Variants in RBMS1 observed in about 807,000 individuals in gnomAD.
RBMS1 encodes RNA binding motif single stranded interacting protein 1, also known as RNA-binding motif, single-stranded-interacting protein 1.
A neutral mutation model predicts 62.3 loss-of-function variants in RBMS1; 17 were observed. The ratio of observed to expected loss-of-function variants is 0.27; its 90% CI spans 0.19 to 0.41. The LOEUF is 0.41. Among genes scored for constraint, RBMS1 ranks in the 10% least tolerant of loss-of-function variants. RBMS1 has a pLI of 1.00. For synonymous variants in RBMS1, 172 were observed against 170.0 expected (o/e 1.01, Z -0.09); for missense variants, 334 against 504.5 (o/e 0.66, Z 3.24).
intron 1 of RBMS1, among the ~76,000 whole-genome samples, chr2:160,422,536 G>A (rs1696475062): frequency 6.6e-6 from 1 of 152,112 alleles, no homozygotes; most frequent in Non-Finnish European, 1.5e-5. Context: ...ACCTGGAAAT[G>A]TAAGTTTCTC....
intron 1 of RBMS1, among the ~76,000 whole-genome samples, chr2:160,424,372 G>A (rs980204505): frequency 6.6e-6 from 1 of 150,716 alleles, no homozygotes. Flanking sequence ...GATTGGGGGG[G>A]GGGGGAAACA....
chr2:160,456,132 GA>G (rs1181881734), intron 1 of RBMS1, among the ~76,000 whole-genome samples: 1 of 152,042 alleles, frequency 6.6e-6, no homozygotes, highest in Non-Finnish European at 1.5e-5. Context: ...ATAATTTCAG[GA>G]AAAAACAAAC....
intron 6 of RBMS1, among the ~76,000 whole-genome samples, chr2:160,293,608 G>A (rs988676522): frequency 1.3e-5 from 2 of 152,146 alleles, no homozygotes; most frequent in Non-Finnish European, 2.9e-5. Context: ...GGTTCAGAAA[G>A]CGAGATGGGA....
At chr2:160,353,943 C>T (rs1692656865) in intron 2 of RBMS1, among the ~76,000 whole-genome samples, 2 of 152,022 alleles carry the variant, frequency 1.3e-5, no homozygotes, top group Admixed American at 6.6e-5. Context: ...ATGATTATCC[C>T]GACTTTATAG....
chr2:160,466,298 C>T (rs1018807976), intron 1 of RBMS1, among the ~76,000 whole-genome samples: 4 of 151,780 alleles, frequency 2.6e-5, no homozygotes, highest in Non-Finnish European at 4.4e-5. Context: ...ATAAATTATA[C>T]GGTACTGATA....
chr2:160,487,140 C>T (rs1453619782), intron 1 of RBMS1, among the ~76,000 whole-genome samples: 1 of 152,158 alleles, frequency 6.6e-6, no homozygotes, highest in African/African-American at 2.4e-5. Context: ...AGAATTTATA[C>T]AGCAGAAAAA....
intron 1 of RBMS1, among the ~76,000 whole-genome samples, chr2:160,368,535 C>T (rs899642271): frequency 1.3e-5 from 2 of 152,204 alleles, no homozygotes; most frequent in Non-Finnish European, 2.9e-5. Flanking sequence ...TACCTTGTCA[C>T]CAACCTCCGT....
intron 1 of RBMS1, among the ~76,000 whole-genome samples, chr2:160,452,633 G>A (rs1458376706): frequency 6.6e-6 from 1 of 152,190 alleles, no homozygotes; most frequent in African/African-American, 2.4e-5. Flanking sequence ...TCCAAGGTGT[G>A]CACTTTTACA....
intron 1 of RBMS1, among the ~76,000 whole-genome samples, chr2:160,370,014 G>A (rs1187636439): frequency 1.3e-5 from 2 of 152,074 alleles, no homozygotes; most frequent in Admixed American, 6.5e-5. Context: ...ATTTACTGCA[G>A]TATTTTCCCA....
chr2:160,469,880 G>C (rs1437371601), intron 1 of RBMS1, among the ~76,000 whole-genome samples: 1 of 152,328 alleles, frequency 6.6e-6, no homozygotes, highest in Middle Eastern at 3.4e-3. Flanking sequence ...GAAAATCAGG[G>C]AGGGGCTAGA....
chr2:160,304,638 T>C (rs1178805814), intron 4 of RBMS1, among the ~76,000 whole-genome samples: 32 of 152,176 alleles, frequency 2.1e-4, no homozygotes, highest in Admixed American at 2.1e-3. Flanking sequence ...TGTGTGTTAG[T>C]GTCTTAGTTT....
intron 2 of RBMS1, among the ~76,000 whole-genome samples, chr2:160,318,758 A>G (rs1319056914): frequency 6.6e-6 from 1 of 152,224 alleles, no homozygotes; most frequent in Non-Finnish European, 1.5e-5. Context: ...TATGTTTAGC[A>G]CACTTAATGG....
In RBMS1 at chr2:160,342,480, A is replaced by T. The variant is rs539290339; in HGVS notation, c.252-24253T>A. Reference sequence around the variant, plus strand: ...GCATCCATATCATCTGCTCATGTCAAAGTCCTTAAGAGGCACATATCAAGT... The same window carrying T: ...GCATCCATATCATCTGCTCATGTCATAGTCCTTAAGAGGCACATATCAAGT... On this transcript the variant is annotated intron_variant, in intron 2 of 13. Coordinates refer to ENST00000348849, the MANE Select transcript of RBMS1 (RefSeq NM_016836.4). 1.2e-3 allele frequency among the ~76,000 whole-genome samples: 182 copies of T among 152,230 alleles called. 1 individual carries two copies. The highest frequency in any genetic ancestry group is 0.01 in the Middle Eastern group (3 of 294).
chr2:160,493,542 T>TTCC lies in RBMS1; in HGVS notation c.-182_-180dup, dbSNP rs925937562. ...AGACGTCCTCCTCCTCCTCCTCCTC[T>TTCC]TCCTCCTCCTCCTCCTCCTCCTCCT... is the stretch of plus-strand genomic sequence containing the variant. On this transcript the variant is annotated 5_prime_UTR_variant, in exon 1 of 14. Coordinates refer to ENST00000348849, the MANE Select transcript of RBMS1 (RefSeq NM_016836.4). 0.082 allele frequency: 40,334 copies of TTCC among 491,784 alleles called. 564 individuals are homozygous for TTCC. Among genetic ancestry groups the TTCC allele is most frequent in the South Asian group, 0.17 (7,625 of 45,402 alleles). The allele number at this position is 491,784 out of a possible 1,614,324, so 30.5% of individuals were successfully genotyped here. A position where few individuals can be genotyped will look rare whatever the true frequency, so the allele number is the denominator to read the frequency against.
At chr2:160,352,250 T>C (rs1315457591) in intron 2 of RBMS1, among the ~76,000 whole-genome samples, 1 of 152,100 alleles carries the variant, frequency 6.6e-6, no homozygotes, top group East Asian at 1.9e-4. Context: ...CTATGTGCAA[T>C]GCACGGTCAA....
intron 1 of RBMS1, among the ~76,000 whole-genome samples, chr2:160,390,827 C>T (rs929393406): frequency 6.7e-6 from 1 of 150,236 alleles, no homozygotes; most frequent in Non-Finnish European, 1.5e-5. Flanking sequence ...TAGCCATTAA[C>T]ATATTTAAGC....
At chr2:160,289,387 A>G (rs1688565939) in intron 6 of RBMS1, among the ~76,000 whole-genome samples, 1 of 152,236 alleles carries the variant, frequency 6.6e-6, no homozygotes. Flanking sequence ...GCTTTTTAAG[A>G]ATTATAACCA....
chr2:160,372,873 C>G (rs1693800484), intron 1 of RBMS1, among the ~76,000 whole-genome samples: 1 of 152,040 alleles, frequency 6.6e-6, no homozygotes, highest in African/African-American at 2.4e-5. Flanking sequence ...TGCCTGAGGC[C>G]AGGATGTTAA....
chr2:160,447,863 C>A (rs1683726293), intron 1 of RBMS1, among the ~76,000 whole-genome samples: 1 of 152,216 alleles, frequency 6.6e-6, no homozygotes, highest in South Asian at 2.1e-4. Flanking sequence ...CCCTTGATAA[C>A]CATGGGGAAG....
Sources: allele counts gnomAD v4.1 joint callset (sites outside exome capture counted in the v4.1 genomes callset), GRCh38; gene constraint gnomAD v4.1.1; transcripts MANE v1.5; gene names NCBI Gene and HGNC (gene_info 2026-07-23, HGNC 2026-07-21).